Variants in ATL3 observed in about 807,000 individuals in gnomAD.
ATL3 encodes atlastin-3.
In ATL3, 49 loss-of-function variants were observed where a neutral mutation model predicts 69.5. The observed-to-expected ratio is 0.71, with a 90% CI of 0.56 to 0.89. The LOEUF (loss-of-function observed/expected upper bound fraction) is 0.89, where lower values mean the gene tolerates loss of function less well. Among genes scored for constraint, ATL3 ranks in the 40% least tolerant of loss-of-function variants. The pLI is 0.00. For synonymous variants in ATL3, 214 were observed against 224.1 expected (o/e 0.95, Z 0.40); for missense variants, 606 against 645.7 (o/e 0.94, Z 0.67).
intron 12 of ATL3, among the ~76,000 whole-genome samples, chr11:63,629,962 A>T (rs1216674836): frequency 3.3e-5 from 5 of 152,218 alleles, no homozygotes; most frequent in Admixed American, 6.5e-5. Context: ...TAAATAAAAA[A>T]GATACCATCC....
intron 10 of ATL3, among the ~76,000 whole-genome samples, chr11:63,634,288 C>T (rs1233763782): frequency 2.0e-5 from 3 of 151,738 alleles, no homozygotes; most frequent in Admixed American, 1.3e-4. Flanking sequence ...GGGCAGATCA[C>T]GAGGTCAGGA....
rs544207674 is a variant in ATL3 at position 63,641,073 on chromosome 11, C to T, written c.850+2284G>A. 2.0e-5 allele frequency among the ~76,000 whole-genome samples: 3 copies of T among 152,248 alleles called. No individual in the cohort carries two copies. The East Asian group carries it at 5.8e-4, about 29-fold the overall frequency. ...TTGTGCTTTCCTGATTATTGTGATG[C>T]TGCACATATTTTCATTAATATATAA... On this transcript the variant is annotated intron_variant, in intron 8 of 12. Coordinates refer to ENST00000398868, the MANE Select transcript of ATL3 (RefSeq NM_015459.5).
intron 5 of ATL3, among the ~76,000 whole-genome samples, chr11:63,649,661 A>T (rs1210636942): frequency 4.6e-5 from 7 of 151,166 alleles, no homozygotes; most frequent in Non-Finnish European, 1.0e-4. Context: ...CCTCCCGAGT[A>T]GCTGCGATTA....
At chr11:63,636,463 G>A (rs1265805114) in intron 8 of ATL3, 129 bp from the exon 9 acceptor site, 1 of 1,279,362 alleles carries the variant, frequency 7.8e-7, no homozygotes, top group Non-Finnish European at 1.1e-6. Context: ...GAGAAGCCGG[G>A]CACGGTGGCT....
rs1939300023 is a variant in ATL3 at position 63,631,117 on chromosome 11, C to A, written c.1462G>T (p.Gly488Cys). The change falls in exon 12 of 13, where the codon GGC becomes TGC. Residue 488 changes from glycine (G) to cysteine (C), a missense_variant. Gly to Cys is a radical substitution (Grantham distance 159). Coordinates refer to ENST00000398868, the MANE Select transcript of ATL3 (RefSeq NM_015459.5). ...GLLLIALLTW[G>C]YIRYSGQYRE... is the part of the protein sequence containing the mutation. ...TATTGACCAGAATACCTGATGTAGC[C>A]CCAGGTGAGGAGTGCTATTAACAGT... 1 of 1,614,134 alleles carries A rather than the reference C, an allele frequency of 6.2e-7. No individual in the cohort carries two copies.
intron 1 of ATL3, among the ~76,000 whole-genome samples, chr11:63,664,629 T>G (rs1428291516): frequency 7.0e-6 from 1 of 142,260 alleles, no homozygotes; most frequent in African/African-American, 2.5e-5. Flanking sequence ...TGTTTTTTTG[T>G]TTTTTTTTTT....
At chr11:63,632,946 T>C (rs1939373686) in intron 11 of ATL3, 80 bp downstream of exon 11, 1 of 1,295,542 alleles carries the variant, frequency 7.7e-7, no homozygotes, top group East Asian at 2.3e-5. Flanking sequence ...ATACATTAAG[T>C]AGGATCAAGT....
At chr11:63,633,963 AG>A (rs1555051659) in intron 10 of ATL3, among the ~76,000 whole-genome samples, 1 of 144,146 alleles carries the variant, frequency 6.9e-6, no homozygotes, top group Non-Finnish European at 1.5e-5. Flanking sequence ...TGAACCCAGG[AG>A]GTAGAGGTTG....
intron 9 of ATL3, 25 bp downstream of exon 9, chr11:63,636,182 T>C: frequency 6.3e-7 from 1 of 1,594,426 alleles, no homozygotes; most frequent in South Asian, 1.1e-5. Flanking sequence ...AATCAAACAT[T>C]TTAATAACTA....
At chr11:63,669,996 C>T (rs1940722692) in intron 1 of ATL3, among the ~76,000 whole-genome samples, 1 of 152,104 alleles carries the variant, frequency 6.6e-6, no homozygotes, top group African/African-American at 2.4e-5. Context: ...ATCCCAGCTA[C>T]CCGGGAGGAT....
At chr11:63,655,614 A>AT (rs1253416653) in intron 3 of ATL3, among the ~76,000 whole-genome samples, 1 of 149,566 alleles carries the variant, frequency 6.7e-6, no homozygotes, top group East Asian at 2.0e-4. Context: ...CACCCAGCTA[A>AT]TTTTTTGTAT....
intron 5 of ATL3, 36 bp downstream of exon 5, chr11:63,651,897 AAAT>A: frequency 6.4e-7 from 1 of 1,564,172 alleles, no homozygotes; most frequent in Non-Finnish European, 8.6e-7. Context: ...TAAAACTTTT[AAAT>A]AATATGATGT....
At chr11:63,661,627 C>T (rs1940422629) in intron 1 of ATL3, among the ~76,000 whole-genome samples, 1 of 151,960 alleles carries the variant, frequency 6.6e-6, no homozygotes, top group African/African-American at 2.4e-5. Context: ...TGCTGGCTCA[C>T]CTGCGCAATC....
At chr11:63,649,763 C>T (rs1361283260) in intron 5 of ATL3, among the ~76,000 whole-genome samples, 1 of 151,994 alleles carries the variant, frequency 6.6e-6, no homozygotes, top group African/African-American at 2.4e-5. Flanking sequence ...GTCTCGAACA[C>T]CCAAACTCAG....
intron 3 of ATL3, among the ~76,000 whole-genome samples, chr11:63,653,257 C>A (rs1035804805): frequency 2.0e-5 from 3 of 151,966 alleles, no homozygotes; most frequent in African/African-American, 7.2e-5. Context: ...ACCTGAGGTC[C>A]AGAGTTCGAG....
At chr11:63,660,094 A>T (rs1490338220) in intron 1 of ATL3, among the ~76,000 whole-genome samples, 3 of 151,714 alleles carry the variant, frequency 2.0e-5, no homozygotes, top group Non-Finnish European at 4.4e-5. Flanking sequence ...CAAAGAAAAA[A>T]AGTACTATCC....
Position 63,636,342 on chromosome 11 carries a change from C to A in ATL3, c.851-8G>T. The A allele has an allele frequency of 6.2e-7, 1 of 1,613,866 alleles. No homozygotes were observed. The highest frequency in any genetic ancestry group is 8.5e-7 in the Non-Finnish European group (1 of 1,179,954). Reference sequence around the variant, plus strand: ...TGAATTCACCAGCAATATCTGTTCACAGGACGACAAAGAAGGGAAAAATAA... The same window carrying A: ...TGAATTCACCAGCAATATCTGTTCAAAGGACGACAAAGAAGGGAAAAATAA... On this transcript the variant is annotated splice_polypyrimidine_tract_variant and splice_region_variant and intron_variant, in intron 8 of 12. Coordinates refer to ENST00000398868, the MANE Select transcript of ATL3 (RefSeq NM_015459.5).
At chr11:63,662,545 T>C (rs1437434220) in intron 1 of ATL3, among the ~76,000 whole-genome samples, 2 of 152,220 alleles carry the variant, frequency 1.3e-5, no homozygotes, top group East Asian at 3.8e-4. Context: ...AATGGCACAA[T>C]CTTGCCTCAC....
At chr11:63,638,658 T>TC (rs1218332477) in intron 8 of ATL3, among the ~76,000 whole-genome samples, 1 of 151,474 alleles carries the variant, frequency 6.6e-6, no homozygotes, top group Non-Finnish European at 1.5e-5. Flanking sequence ...TGAGCTGAGA[T>TC]CGCACCACTG....
Sources: allele counts gnomAD v4.1 joint callset (sites outside exome capture counted in the v4.1 genomes callset), GRCh38; gene constraint gnomAD v4.1.1; transcripts MANE v1.5; gene names NCBI Gene and HGNC (gene_info 2026-07-23, HGNC 2026-07-21).